STX2: variants seen among roughly 807,000 people sequenced by gnomAD.
STX2 encodes the protein syntaxin-2.
STX2 carries 27 observed loss-of-function variants against 40.6 expected under a neutral mutation model. That is an observed-to-expected ratio of 0.66 (90% CI 0.49 to 0.92). The LOEUF (loss-of-function observed/expected upper bound fraction) is 0.92. STX2 is among the 40% of genes least tolerant of loss of function. The pLI, the probability that STX2 is intolerant of heterozygous loss-of-function variation, is 0.00. For missense variants in STX2, 328 were observed against 366.1 expected (o/e 0.90, Z 0.85); for synonymous variants, 123 against 119.1 (o/e 1.03, Z -0.22).
chr12:130,798,770 T>C, intron 8 of STX2, 135 bp from the exon 9 acceptor site: 1 of 535,782 alleles, frequency 1.9e-6, no homozygotes, highest in Non-Finnish European at 3.1e-6. Flanking sequence ...TTTTCACATT[T>C]ACAGAAAGAT....
rs117396799 is a variant in STX2, at chr12:130,831,625, T to C, written c.31-4358A>G. Among the ~76,000 whole-genome samples the C allele has an allele frequency of 9.5e-4, 145 of 152,244 alleles. 2 individuals are homozygous for C. In the East Asian group the frequency reaches 0.019, roughly 19 times the overall value. On this transcript the variant is annotated intron_variant, in intron 1 of 10. Coordinates refer to ENST00000392373, the MANE Select transcript of STX2 (RefSeq NM_194356.4). The stretch of plus-strand genomic sequence containing the variant: ...TCCAGCCTGGCGATAGAGAGGGACT[T>C]TGTCTCAAAAAACAAATAAATAAAT...
intron 8 of STX2, among the ~76,000 whole-genome samples, chr12:130,799,900 CA>C (rs1951161922): frequency 6.6e-6 from 1 of 151,822 alleles, no homozygotes; most frequent in Admixed American, 6.6e-5. Context: ...TGTTTCTTAA[CA>C]AGGTTGCTGA....
At chr12:130,824,245 C>T (rs138445922) in intron 2 of STX2, among the ~76,000 whole-genome samples, 124 of 150,698 alleles carry the variant, frequency 8.2e-4, no homozygotes, top group African/African-American at 2.9e-3. Context: ...CAAAATTAGC[C>T]GGGCGTGGTG....
chr12:130,805,989 G>T (rs978696727), intron 6 of STX2, among the ~76,000 whole-genome samples: 1 of 152,124 alleles, frequency 6.6e-6, no homozygotes, highest in Admixed American at 6.5e-5. Context: ...CAACACAGCA[G>T]ACATGTAAAA....
intron 10 of STX2, among the ~76,000 whole-genome samples, chr12:130,794,357 T>G (rs1593107150): frequency 6.6e-6 from 1 of 152,230 alleles, no homozygotes; most frequent in Admixed American, 6.5e-5. Context: ...TAATGGAATG[T>G]TAACACACGC....
intron 6 of STX2, 148 bp from the exon 7 acceptor site, chr12:130,801,636 G>T: frequency 1.3e-6 from 1 of 760,832 alleles, no homozygotes; most frequent in Non-Finnish European, 1.9e-6. Context: ...TATTGACAAT[G>T]AGAAGTGAAC....
intron 1 of STX2, among the ~76,000 whole-genome samples, chr12:130,828,940 A>AT (rs1952446657): frequency 6.6e-6 from 1 of 152,080 alleles, no homozygotes; most frequent in Non-Finnish European, 1.5e-5. Flanking sequence ...ACTAACATTA[A>AT]GATAGACCCA....
chr12:130,800,349 G>A (rs890685027), intron 8 of STX2, among the ~76,000 whole-genome samples: 1 of 149,954 alleles, frequency 6.7e-6, no homozygotes, highest in African/African-American at 2.4e-5. Context: ...CACCCAGGCT[G>A]GAGTGTAGTG....
intron 10 of STX2, among the ~76,000 whole-genome samples, chr12:130,792,233 G>A (rs1044057767): frequency 6.6e-6 from 1 of 151,952 alleles, no homozygotes; most frequent in Non-Finnish European, 1.5e-5. Context: ...GCTAATTTTT[G>A]TATTTTTAGT....
chr12:130,804,805 A>T (rs1951367197), intron 6 of STX2, among the ~76,000 whole-genome samples: 1 of 152,142 alleles, frequency 6.6e-6, no homozygotes, highest in Admixed American at 6.5e-5. Context: ...CGTATATGAT[A>T]CTTCATTGCT....
chr12:130,811,684 C>T (rs1305437710), intron 4 of STX2, among the ~76,000 whole-genome samples: 1 of 151,516 alleles, frequency 6.6e-6, no homozygotes, highest in Non-Finnish European at 1.5e-5. Context: ...GGACTACAGG[C>T]ACCCGCCACT....
chr12:130,795,797 C>T (rs1951011727), intron 10 of STX2, among the ~76,000 whole-genome samples, 198 bp downstream of exon 10: 1 of 152,158 alleles, frequency 6.6e-6, no homozygotes, highest in Admixed American at 6.6e-5. Flanking sequence ...TGAGTTACCG[C>T]CCAGCCTGTG....
chr12:130,802,214 T>C (rs1156236733), intron 6 of STX2, among the ~76,000 whole-genome samples: 1 of 152,242 alleles, frequency 6.6e-6, no homozygotes, highest in East Asian at 1.9e-4. Flanking sequence ...GCTTTGTTTT[T>C]TGAGACAGGG....
intron 3 of STX2, 96 bp from the exon 4 acceptor site, chr12:130,813,127 T>C (rs1951723564): frequency 5.2e-6 from 4 of 773,404 alleles, no homozygotes; most frequent in Non-Finnish European, 7.5e-6. Context: ...ACAGTATCCT[T>C]AGTAAATATT....
At position 130,790,417 on chromosome 12, in the gene STX2, T is replaced by G. The variant is rs975204169; in HGVS notation, c.*1606A>C. The stretch of plus-strand genomic sequence containing the variant: ...CAGGAGTAACAAGAGTTCACGACAT[T>G]TGGGGCATCCTGCATGCACTCCTTT... On this transcript the variant is annotated 3_prime_UTR_variant, in exon 11 of 11. Coordinates refer to ENST00000392373, the MANE Select transcript of STX2 (RefSeq NM_194356.4). 2.0e-5 allele frequency: 3 copies of G among 152,180 alleles called. No homozygotes were observed. Among genetic ancestry groups the G allele is most frequent in the Non-Finnish European group, 4.4e-5 (3 of 68,038 alleles). The allele number at this position is 152,180 out of a possible 1,614,324, so 9.4% of individuals were successfully genotyped here. A position where few individuals can be genotyped will look rare whatever the true frequency, so the allele number is the denominator to read the frequency against.
At chr12:130,794,956 T>C (rs1593108562) in intron 10 of STX2, among the ~76,000 whole-genome samples, 1 of 152,206 alleles carries the variant, frequency 6.6e-6, no homozygotes, top group South Asian at 2.1e-4. Flanking sequence ...TGTGTCCACC[T>C]GTAACACACC....
intron 5 of STX2, 71 bp from the exon 6 acceptor site, chr12:130,807,161 G>C (rs1379122732): frequency 1.4e-6 from 2 of 1,475,498 alleles, no homozygotes; most frequent in Non-Finnish European, 1.9e-6. Flanking sequence ...TGCAAGACAT[G>C]CATTTTGGAA....
chr12:130,825,077 C>T (rs1460379275), intron 2 of STX2, among the ~76,000 whole-genome samples: 3 of 151,342 alleles, frequency 2.0e-5, no homozygotes, highest in Non-Finnish European at 4.4e-5. Context: ...AAGCTGTTGC[C>T]CCAAGCCGGG....
intron 1 of STX2, among the ~76,000 whole-genome samples, chr12:130,836,256 G>A (rs1427741860): frequency 4.6e-5 from 7 of 152,084 alleles, no homozygotes; most frequent in African/African-American, 1.4e-4. Context: ...TTTTATACTA[G>A]GGAGAAGGTT....
Sources: gnomAD v4.1 joint callset for allele counts (sites outside exome capture counted in the v4.1 genomes callset) on GRCh38, gnomAD v4.1.1 for gene constraint, MANE v1.5 for transcripts, NCBI Gene and HGNC (gene_info 2026-07-23, HGNC 2026-07-21) for gene names.